The following VWC2 variants were observed in gnomAD, a reference collection of about 807,000 sequenced individuals.
The protein encoded by VWC2 is brorin.
In VWC2, 14 loss-of-function variants were observed where a neutral mutation model predicts 29.8. That is an observed-to-expected ratio of 0.47 (90% confidence interval 0.31 to 0.74). The LOEUF is 0.74. Ranked by LOEUF, VWC2 falls within the 30% of genes least tolerant of loss-of-function variation. The pLI is 0.05. For missense variants in VWC2, 457 were observed against 459.8 expected, an observed-to-expected ratio of 0.99 and a Z score of 0.05; for synonymous variants, 213 against 199.0, an observed-to-expected ratio of 1.07 and a Z score of -0.59.
At position 49,913,326 on chromosome 7, in the gene VWC2, G is replaced by C. The variant is rs1030600842; in HGVS notation, c.*1141G>C. On this transcript the variant is annotated 3_prime_UTR_variant, in exon 4 of 4. Transcript: ENST00000340652. ...AACTTCTTTTCTCTTCATTTGAACA[G>C]AGAACATAAAAAGCCACTGCAAAGT... 4 of 152,152 alleles carry C rather than the reference G, an allele frequency of 2.6e-5. No individual in the cohort carries two copies. Among genetic ancestry groups the C allele is most frequent in the Non-Finnish European group, 5.9e-5 (4 of 68,026 alleles). 9.4% of individuals were successfully genotyped at this position (152,152 alleles called of 1,614,324 possible). A position where few individuals can be genotyped will look rare whatever the true frequency, so the allele number is the denominator to read the frequency against.
intron 3 of VWC2, among the ~76,000 whole-genome samples, chr7:49,820,061 A>AG (rs938665713): frequency 1.0e-3 from 39 of 38,240 alleles, no homozygotes; most frequent in Middle Eastern, 8.9e-3. Context: ...AGAAACACCA[A>AG]CCTTCCTGTC....
At chr7:49,811,655 G>C (rs1789009936) in intron 3 of VWC2, among the ~76,000 whole-genome samples, 2 of 152,150 alleles carry the variant, frequency 1.3e-5, no homozygotes, top group Admixed American at 6.6e-5. Context: ...TAATAAAAAG[G>C]ACAGAAAGTA....
chr7:49,875,088 T>C (rs1791341226), intron 3 of VWC2, among the ~76,000 whole-genome samples: 1 of 151,672 alleles, frequency 6.6e-6, no homozygotes, highest in Non-Finnish European at 1.5e-5. Flanking sequence ...ATAGTAAAAA[T>C]TGGCCGGGCA....
At position 49,918,961 on chromosome 7, in the gene VWC2, CA is replaced by C. The variant is rs1465705692; in HGVS notation, c.*6777del. 1 of 151,590 alleles carries C rather than the reference CA, an allele frequency of 6.6e-6. No homozygotes were observed. Among genetic ancestry groups the C allele is most frequent in the East Asian group, 1.9e-4 (1 of 5,182 alleles). 9.4% of individuals were successfully genotyped at this position (151,590 alleles called of 1,614,324 possible). ...CTGTAATCTACTCGGGAGGCTGAGG[CA>C]GGAGAATCCCTTAAACCGAGGGGGT... On this transcript the variant is annotated 3_prime_UTR_variant, in exon 4 of 4. Transcript: ENST00000340652.
intron 2 of VWC2, among the ~76,000 whole-genome samples, chr7:49,794,320 C>T (rs75562696): frequency 2.0e-5 from 3 of 152,284 alleles, no homozygotes; most frequent in Non-Finnish European, 4.4e-5. Context: ...TGAGATGGAA[C>T]GTTCTTTTAT....
chr7:49,907,829 T>C (rs760235866), intron 3 of VWC2, among the ~76,000 whole-genome samples: 2 of 152,132 alleles, frequency 1.3e-5, no homozygotes, highest in Non-Finnish European at 2.9e-5. Flanking sequence ...CTGGAATCAA[T>C]AGAAAGGAAT....
chr7:49,856,021 C>T (rs1790403282), intron 3 of VWC2, among the ~76,000 whole-genome samples: 1 of 152,160 alleles, frequency 6.6e-6, no homozygotes, highest in African/African-American at 2.4e-5. Context: ...AAATGCTTAA[C>T]CCTGCTTAGT....
intron 3 of VWC2, among the ~76,000 whole-genome samples, chr7:49,877,481 A>AAAATATATAT: frequency 7.9e-5 from 1 of 12,730 alleles, no homozygotes; most frequent in African/African-American, 2.8e-4. Context: ...AAAAAAAAAA[A>AAAATATATAT]ATATATATAT....
intron 3 of VWC2, among the ~76,000 whole-genome samples, chr7:49,856,901 C>G (rs1244594064): frequency 6.7e-6 from 1 of 149,114 alleles, no homozygotes; most frequent in African/African-American, 2.5e-5. Flanking sequence ...CCCAGCTACT[C>G]GGGAGGCTGA....
At chr7:49,784,509 C>G (rs1003210509) in intron 2 of VWC2, among the ~76,000 whole-genome samples, 3 of 152,134 alleles carry the variant, frequency 2.0e-5, no homozygotes, top group African/African-American at 7.2e-5. Flanking sequence ...GGTTGTGGCA[C>G]GTGAAGAGTT....
At chr7:49,817,449 A>C (rs1489789904) in intron 3 of VWC2, among the ~76,000 whole-genome samples, 10 of 152,208 alleles carry the variant, frequency 6.6e-5, no homozygotes, top group Admixed American at 4.6e-4. Flanking sequence ...TGTGAAGACA[A>C]ATAACCCTGT....
chr7:49,820,542 C>G (rs972238051), intron 3 of VWC2, among the ~76,000 whole-genome samples: 1 of 152,118 alleles, frequency 6.6e-6, no homozygotes. Context: ...AAATGAAGTT[C>G]AGTTACTGCA....
At chr7:49,822,364 AT>A (rs1169019397) in intron 3 of VWC2, among the ~76,000 whole-genome samples, 1 of 152,074 alleles carries the variant, frequency 6.6e-6, no homozygotes, top group Non-Finnish European at 1.5e-5. Flanking sequence ...GGTGCAGTTT[AT>A]TTCTCACCTT....
rs1788459153 is a variant in VWC2 at position 49,791,369 on chromosome 7, A to G, written c.697-11342A>G. ...GCTTTGTCATTCATGCCTTTCACTA[A>G]CTTCTTAATCTGAGGTCATCCAAAT... On this transcript the variant is annotated intron_variant, in intron 2 of 3. Coordinates refer to ENST00000340652, the MANE Select transcript of VWC2 (RefSeq NM_198570.5). Among the ~76,000 whole-genome samples, 2 of 152,208 alleles carry G rather than the reference A, an allele frequency of 1.3e-5. 1 individual carries two copies. The highest frequency in any genetic ancestry group is 4.1e-4 in the South Asian group (2 of 4,832).
At chr7:49,901,500 A>C (rs138170123) in intron 3 of VWC2, among the ~76,000 whole-genome samples, 4,805 of 151,940 alleles carry the variant, frequency 0.032, 119 homozygotes, top group Middle Eastern at 0.054. Context: ...AAATTAGCAA[A>C]ATATACATAA....
chr7:49,774,428 C>T (rs1057089384), intron 1 of VWC2, among the ~76,000 whole-genome samples: 3 of 152,206 alleles, frequency 2.0e-5, no homozygotes, highest in Non-Finnish European at 2.9e-5. Flanking sequence ...TGTCCTGCGG[C>T]GTCTCGGGCT....
At chr7:49,870,608 T>G (rs1170222544) in intron 3 of VWC2, among the ~76,000 whole-genome samples, 1 of 152,158 alleles carries the variant, frequency 6.6e-6, no homozygotes, top group Non-Finnish European at 1.5e-5. Context: ...TTTTCACACC[T>G]GCACAGGGAA....
chr7:49,874,548 A>G (rs62456377), intron 3 of VWC2, among the ~76,000 whole-genome samples: 58 of 147,762 alleles, frequency 3.9e-4, no homozygotes, highest in Non-Finnish European at 4.4e-4. Context: ...ATGACTATAT[A>G]TGTGTGTGTG....
intron 3 of VWC2, 115 bp from the exon 4 acceptor site, chr7:49,911,919 A>ACACG: frequency 5.7e-6 from 4 of 705,268 alleles, no homozygotes; most frequent in Non-Finnish European, 7.8e-6. Context: ...ACAAACAAAT[A>ACACG]CACGCACACA....
Sources: allele counts gnomAD v4.1 joint callset (sites outside exome capture counted in the v4.1 genomes callset), GRCh38; gene constraint gnomAD v4.1.1; transcripts MANE v1.5; gene names NCBI Gene and HGNC (gene_info 2026-07-23, HGNC 2026-07-21).